The following IQGAP1 variants were observed in gnomAD, a reference collection of about 807,000 sequenced individuals.
The protein encoded by IQGAP1 is IQ motif containing GTPase activating protein 1.
IQGAP1 carries 66 observed loss-of-function variants against 215.6 expected under a neutral mutation model. The ratio of observed to expected loss-of-function variants is 0.31; its 90% CI spans 0.25 to 0.38. The LOEUF (loss-of-function observed/expected upper bound fraction) is 0.38, where lower values mean the gene tolerates loss of function less well. Among genes scored for constraint, IQGAP1 ranks in the 10% least tolerant of loss-of-function variants. The probability of loss-of-function intolerance (pLI) is 1.00; values close to 1 mark genes in which losing one functional copy is unlikely to be tolerated. For missense variants in IQGAP1, 1,712 were observed against 1,997.1 expected (o/e 0.86, Z 2.72); for synonymous variants, 772 against 728.7 (o/e 1.06, Z -0.96).
chr15:90,421,437 C>T (rs192752062), intron 2 of IQGAP1, among the ~76,000 whole-genome samples: 49 of 148,350 alleles, frequency 3.3e-4, no homozygotes, highest in African/African-American at 1.2e-3. Context: ...CATCATGCCA[C>T]TGCACTTCAG....
chr15:90,484,722 C>G lies in IQGAP1; in HGVS notation c.3921+370C>G, dbSNP rs753194783. Among the ~76,000 whole-genome samples, 211 of 152,076 alleles carry G rather than the reference C, an allele frequency of 1.4e-3. 2 individuals carry two copies. Among genetic ancestry groups the G allele is most frequent in the Non-Finnish European group, 2.1e-3 (143 of 67,992 alleles). On this transcript the variant is annotated intron_variant, in intron 30 of 37. Coordinates refer to ENST00000268182, the MANE Select transcript of IQGAP1 (RefSeq NM_003870.4). Reference sequence around the variant, plus strand: ...GACGGGGTTTCACTGTGTTAGCCAGCATGGTGTCGATATCCTGACCTCATG... The same window carrying G: ...GACGGGGTTTCACTGTGTTAGCCAGGATGGTGTCGATATCCTGACCTCATG...
At chr15:90,440,695 G>A in intron 7 of IQGAP1, 80 bp downstream of exon 7, 1 of 861,382 alleles carries the variant, frequency 1.2e-6, no homozygotes, top group Non-Finnish European at 1.8e-6. Flanking sequence ...TGATGATCTA[G>A]GACATTATGA....
intron 15 of IQGAP1, among the ~76,000 whole-genome samples, chr15:90,457,787 A>T (rs1965706568): frequency 6.6e-6 from 1 of 152,156 alleles, no homozygotes; most frequent in Admixed American, 6.5e-5. Flanking sequence ...TTAAAAACAT[A>T]TATGTGCATT....
chr15:90,484,481 C>T (rs1966098976), intron 30 of IQGAP1, 129 bp downstream of exon 30: 3 of 655,218 alleles, frequency 4.6e-6, no homozygotes, highest in East Asian at 5.7e-5. Flanking sequence ...TCCTTGATGT[C>T]TCTTTTTTTG....
chr15:90,428,575 T>C (rs537219600), intron 3 of IQGAP1, among the ~76,000 whole-genome samples: 93 of 150,500 alleles, frequency 6.2e-4, no homozygotes, highest in African/African-American at 2.2e-3. Context: ...AGTCTAGGAG[T>C]TTGAGATCAG....
At chr15:90,417,802 T>G (rs968609356) in intron 2 of IQGAP1, among the ~76,000 whole-genome samples, 1 of 152,176 alleles carries the variant, frequency 6.6e-6, no homozygotes, top group Non-Finnish European at 1.5e-5. Flanking sequence ...ATTACCTTGC[T>G]CAGTATGGCC....
At chr15:90,448,480 A>T (rs1965554805) in intron 9 of IQGAP1, 93 bp from the exon 10 acceptor site, 2 of 1,124,194 alleles carry the variant, frequency 1.8e-6, no homozygotes, top group Non-Finnish European at 2.5e-6. Context: ...ATATTTCCTT[A>T]TCTGGAACTG....
intron 17 of IQGAP1, among the ~76,000 whole-genome samples, chr15:90,467,180 T>G (rs1965844164): frequency 6.6e-6 from 1 of 152,170 alleles, no homozygotes; most frequent in Non-Finnish European, 1.5e-5. Context: ...AACTTTGGCT[T>G]TGGAGTGAAC....
chr15:90,428,610 G>A (rs1172394455), intron 3 of IQGAP1, among the ~76,000 whole-genome samples: 3 of 151,810 alleles, frequency 2.0e-5, no homozygotes, highest in East Asian at 3.9e-4. Context: ...TGAAACCTCC[G>A]CTCTACAAAA....
Position 90,452,874 on chromosome 15 carries a change from T to C in IQGAP1, c.1262T>C (p.Val421Ala). The C allele has an allele frequency of 3.1e-6, 5 of 1,614,086 alleles. No homozygotes were observed. The highest frequency in any genetic ancestry group is 4.2e-6 in the Non-Finnish European group (5 of 1,180,002). ...AATCCCGAAGCCCAGCTGCCCCAGG[T>C]GTATCCATTTGCCGCCGATCTCTAT... ...LMNPEAQLPQ[V>A]YPFAADLYQK... Residue 421 changes from valine (V) to alanine (A), a missense_variant, in exon 12 of 38, where the codon GTG (valine) becomes GCG (alanine). Transcript: ENST00000268182.
In IQGAP1 at chr15:90,388,253, G is replaced by T; in HGVS notation, c.-89G>T. ...GGCGGGGCCTCGGGGACCCCGGCAA[G>T]CCCGCGCACTTGGCAGGAGCTGTAG... On this transcript the variant is annotated 5_prime_UTR_variant, in exon 1 of 38. Transcript: ENST00000268182. 1 of 1,459,890 alleles carries T rather than the reference G, an allele frequency of 6.8e-7. No homozygotes were observed. Among genetic ancestry groups the T allele is most frequent in the Middle Eastern group, 1.8e-4 (1 of 5,536 alleles). The allele number at this position is 1,459,890 out of a possible 1,614,324, so 90.4% of individuals were successfully genotyped here.
chr15:90,467,250 TA>T (rs1290895783), intron 17 of IQGAP1, among the ~76,000 whole-genome samples, 199 bp from the exon 18 acceptor site: 6 of 152,270 alleles, frequency 3.9e-5, no homozygotes, highest in African/African-American at 1.4e-4. Context: ...CTTATAGACA[TA>T]AATGAGCTAA....
intron 2 of IQGAP1, among the ~76,000 whole-genome samples, chr15:90,414,513 G>A (rs779815217): frequency 6.6e-6 from 1 of 151,860 alleles, no homozygotes; most frequent in South Asian, 2.1e-4. Context: ...TTCACCACCC[G>A]CCTCTCTGCA....
At chr15:90,460,646 A>G (rs1332082028) in intron 15 of IQGAP1, among the ~76,000 whole-genome samples, 1 of 152,084 alleles carries the variant, frequency 6.6e-6, no homozygotes, top group African/African-American at 2.4e-5. Flanking sequence ...ACTGAGTTTC[A>G]GCTGTTTTTC....
intron 32 of IQGAP1, 36 bp from the exon 33 acceptor site, chr15:90,487,459 T>C: frequency 6.9e-7 from 1 of 1,456,144 alleles, no homozygotes; most frequent in Non-Finnish European, 9.6e-7. Context: ...ACTAGAACAC[T>C]GGTAATATTT....
At chr15:90,468,591 G>A (rs1343313691) in intron 18 of IQGAP1, among the ~76,000 whole-genome samples, 1 of 152,200 alleles carries the variant, frequency 6.6e-6, no homozygotes, top group Non-Finnish European at 1.5e-5. Flanking sequence ...AGCACTTTGA[G>A]AGGCTAAGGC....
At chr15:90,442,047 A>G (rs1381259057) in intron 8 of IQGAP1, among the ~76,000 whole-genome samples, 1 of 152,202 alleles carries the variant, frequency 6.6e-6, no homozygotes, top group Admixed American at 6.5e-5. Flanking sequence ...TGAATTTTAT[A>G]TAAATAAAAT....
rs149599856 is a variant in IQGAP1, at chr15:90,390,776, G to A, written c.58G>A (p.Val20Ile). ...ACATTCTTTCTTTTATGTTGTAGCT[G>A]TCCTGGATAATGAAAGACTTACTGC... ...LGVARPHYGS[V>I]LDNERLTAEE... Residue 20 changes from valine to isoleucine, a missense_variant and splice_region_variant, in exon 2 of 38, where the codon GTC (valine) becomes ATC (isoleucine). Physicochemically the swap from Val to Ile is conservative, Grantham distance 29. Transcript: ENST00000268182. 7.8e-4 allele frequency: 1,248 copies of A among 1,601,682 alleles called. 2 individuals are homozygous for A. Among genetic ancestry groups the A allele is most frequent in the Non-Finnish European group, 9.8e-4 (1,141 of 1,168,734 alleles).
At chr15:90,471,539 G>A (rs1596283347) in intron 18 of IQGAP1, among the ~76,000 whole-genome samples, 1 of 145,530 alleles carries the variant, frequency 6.9e-6, no homozygotes, top group Middle Eastern at 3.5e-3. Context: ...CGCTCTTGTT[G>A]CCCAGGCTGG....
Sources: allele counts gnomAD v4.1 joint callset (sites outside exome capture counted in the v4.1 genomes callset), GRCh38; gene constraint gnomAD v4.1.1; transcripts MANE v1.5; gene names NCBI Gene and HGNC (gene_info 2026-07-23, HGNC 2026-07-21).